Variants in HELZ observed in about 807,000 individuals in gnomAD.
HELZ encodes the protein helicase with zinc finger.
Under a neutral mutation model 218.2 loss-of-function variants are expected in HELZ, and 23 were observed. The observed-to-expected ratio is 0.11, with a 90% CI of 0.08 to 0.15. HELZ has a LOEUF of 0.15. Ranked by LOEUF, HELZ falls within the 10% of genes least tolerant of loss-of-function variation. The pLI is 1.00. For synonymous variants in HELZ, 814 were observed against 829.4 expected, an observed-to-expected ratio of 0.98 and a Z score of 0.32; for missense variants, 1,813 against 2,353.7, an observed-to-expected ratio of 0.77 and a Z score of 4.75.
At chr17:67,140,414 C>A (rs1296925261) in intron 21 of HELZ, among the ~76,000 whole-genome samples, 1 of 152,018 alleles carries the variant, frequency 6.6e-6, no homozygotes, top group Non-Finnish European at 1.5e-5. Flanking sequence ...ATTTATGCCC[C>A]CAGGAAGTGA....
intron 17 of HELZ, among the ~76,000 whole-genome samples, chr17:67,155,420 A>T (rs557386565): frequency 6.6e-6 from 1 of 152,352 alleles, no homozygotes; most frequent in East Asian, 1.9e-4. Flanking sequence ...CTTAGGGTGT[A>T]AAGACCTGAT....
At chr17:67,166,389 T>C in intron 15 of HELZ, 89 bp downstream of exon 15, 1 of 1,169,184 alleles carries the variant, frequency 8.6e-7, no homozygotes. Flanking sequence ...AGGCAAACTT[T>C]CTTATAAAAG....
intron 3 of HELZ, among the ~76,000 whole-genome samples, chr17:67,237,554 T>G (rs901161010): frequency 3.3e-5 from 5 of 151,914 alleles, no homozygotes; most frequent in African/African-American, 1.2e-4. Flanking sequence ...AAAAGCAAAA[T>G]GTAGATAGAT....
Position 67,075,097 on chromosome 17 carries a change from G to A in HELZ, c.*3155C>T, listed in dbSNP as rs866790108. 5.3e-5 allele frequency: 8 copies of A among 151,970 alleles called. No homozygotes were observed. The highest frequency in any genetic ancestry group is 1.5e-4 in the African/African-American group (6 of 41,376). The allele number at this position is 151,970 out of a possible 1,614,324, so 9.4% of individuals were successfully genotyped here. A position where few individuals can be genotyped will look rare whatever the true frequency, so the allele number is the denominator to read the frequency against. On this transcript the variant is annotated 3_prime_UTR_variant, in exon 33 of 33. Transcript: ENST00000358691. The stretch of plus-strand genomic sequence containing the variant: ...ACACAAGAAAATATCCATGTTACAC[G>A]GAATGAGGTTCTTCAAATCGTAACA...
intron 3 of HELZ, among the ~76,000 whole-genome samples, chr17:67,235,982 G>A (rs369612711): frequency 1.2e-4 from 18 of 151,828 alleles, no homozygotes; most frequent in Admixed American, 2.0e-4. Context: ...GGATGGTCTC[G>A]ATCTCCTGAC....
At chr17:67,160,394 T>G in intron 16 of HELZ, 32 bp from the exon 17 acceptor site, 1 of 1,444,722 alleles carries the variant, frequency 6.9e-7, no homozygotes, top group Non-Finnish European at 9.7e-7. Flanking sequence ...ATAAAAAGAA[T>G]GATAAAACAC....
At chr17:67,164,674 TAAAC>T (rs2039088872) in intron 15 of HELZ, among the ~76,000 whole-genome samples, 1 of 152,142 alleles carries the variant, frequency 6.6e-6, no homozygotes, top group African/African-American at 2.4e-5. Context: ...CAGGGCAAAT[TAAAC>T]AAACTTCAAG....
Position 67,078,247 on chromosome 17 carries a change from A to T in HELZ, c.*5T>A. On this transcript the variant is annotated 3_prime_UTR_variant, in exon 33 of 33. Transcript: ENST00000358691. ...ACATTCTCCCTTGAGGGAAAAAAAA[A>T]GTGATTATTTAAAATATGAGTAAAA... 1 of 1,604,074 alleles carries T rather than the reference A, an allele frequency of 6.2e-7. No individual in the cohort carries two copies. Among genetic ancestry groups the T allele is most frequent in the Non-Finnish European group, 8.5e-7 (1 of 1,171,554 alleles).
intron 32 of HELZ, among the ~76,000 whole-genome samples, chr17:67,082,654 T>A (rs1466293068): frequency 6.6e-6 from 1 of 152,182 alleles, no homozygotes; most frequent in Non-Finnish European, 1.5e-5. Context: ...TGTCACTGAT[T>A]TTGTGAATAA....
intron 32 of HELZ, among the ~76,000 whole-genome samples, chr17:67,080,516 T>C (rs1355481917): frequency 6.6e-6 from 1 of 152,208 alleles, no homozygotes; most frequent in East Asian, 1.9e-4. Context: ...TTCTCACAGG[T>C]TGCTTCTCAT....
chr17:67,228,865 T>A (rs1439218886), intron 3 of HELZ, among the ~76,000 whole-genome samples: 1 of 152,098 alleles, frequency 6.6e-6, no homozygotes, highest in Non-Finnish European at 1.5e-5. Flanking sequence ...ATTACAGGCA[T>A]ACGCCACCAC....
intron 11 of HELZ, among the ~76,000 whole-genome samples, chr17:67,189,208 A>G (rs896371410): frequency 3.9e-5 from 6 of 152,198 alleles, no homozygotes; most frequent in African/African-American, 9.7e-5. Flanking sequence ...TGACTTCATC[A>G]TATCAAATAT....
chr17:67,163,693 C>T (rs896894295), intron 15 of HELZ, among the ~76,000 whole-genome samples: 5 of 151,886 alleles, frequency 3.3e-5, no homozygotes, highest in Non-Finnish European at 7.4e-5. Flanking sequence ...TGACCCACCG[C>T]ACCCAACCTA....
At chr17:67,216,287 ACT>A (rs2040599058) in intron 4 of HELZ, among the ~76,000 whole-genome samples, 1 of 151,722 alleles carries the variant, frequency 6.6e-6, no homozygotes, top group African/African-American at 2.4e-5. Flanking sequence ...CCCAGCATAC[ACT>A]CTGTCTTCCT....
At chr17:67,204,671 C>T (rs1349115427) in intron 5 of HELZ, among the ~76,000 whole-genome samples, 1 of 151,982 alleles carries the variant, frequency 6.6e-6, no homozygotes, top group African/African-American at 2.4e-5. Flanking sequence ...TTGAAAGTTG[C>T]AGTCTCTCTG....
At chr17:67,169,987 G>T (rs1427162076) in intron 13 of HELZ, among the ~76,000 whole-genome samples, 2 of 152,236 alleles carry the variant, frequency 1.3e-5, no homozygotes, top group East Asian at 3.9e-4. Flanking sequence ...TAAAGCTGAA[G>T]AATAATCTCC....
At chr17:67,176,320 A>G (rs1328332148) in intron 13 of HELZ, 6 of 152,360 alleles carry the variant, frequency 3.9e-5, no homozygotes, top group African/African-American at 1.4e-4. Context: ...GAGCATCATC[A>G]CTGCATTAAA....
chr17:67,158,645 A>C (rs1269173984), intron 17 of HELZ, among the ~76,000 whole-genome samples: 4 of 152,146 alleles, frequency 2.6e-5, no homozygotes, highest in Non-Finnish European at 4.4e-5. Flanking sequence ...TATATTTATA[A>C]ATGTTTTTCC....
chr17:67,103,367 A>G (rs1452008740), intron 31 of HELZ, among the ~76,000 whole-genome samples: 1 of 152,246 alleles, frequency 6.6e-6, no homozygotes, highest in African/African-American at 2.4e-5. Context: ...AGCCTAAGAT[A>G]TCTACAAAAA....
Sources: allele counts gnomAD v4.1 joint callset (sites outside exome capture counted in the v4.1 genomes callset), GRCh38; gene constraint gnomAD v4.1.1; transcripts MANE v1.5; gene names NCBI Gene and HGNC (gene_info 2026-07-23, HGNC 2026-07-21).